Variants in INSR observed in about 807,000 individuals in gnomAD.
The protein encoded by INSR is insulin receptor.
A neutral mutation model predicts 142.6 loss-of-function variants in INSR; 67 were observed. The ratio of observed to expected loss-of-function variants is 0.47; its 90% CI spans 0.39 to 0.58. INSR has a LOEUF of 0.58. INSR is among the 20% of genes least tolerant of loss of function. The pLI is 0.00. For missense variants in INSR, 1,248 were observed against 1,833.2 expected (o/e 0.68, Z 5.83); for synonymous variants, 756 against 743.1 (o/e 1.02, Z -0.28).
At chr19:7,163,948 A>AATATATATATATATAT (rs1555742962) in intron 8 of INSR, among the ~76,000 whole-genome samples, 9 of 136,134 alleles carry the variant, frequency 6.6e-5, no homozygotes, top group African/African-American at 2.8e-4. Flanking sequence ...AAAAAAAAAA[A>AATATATATATATATAT]ATTAGCTGGA....
At chr19:7,148,895 C>T (rs974317173) in intron 11 of INSR, among the ~76,000 whole-genome samples, 3 of 146,412 alleles carry the variant, frequency 2.0e-5, no homozygotes, top group South Asian at 2.2e-4. Context: ...CCCAGGTTCA[C>T]GCCATTCTCC....
At chr19:7,117,956 G>C (rs1391466173) in intron 21 of INSR, among the ~76,000 whole-genome samples, 1 of 151,364 alleles carries the variant, frequency 6.6e-6, no homozygotes, top group Non-Finnish European at 1.5e-5. Flanking sequence ...ACCCAGGATG[G>C]AGTGCAGTGG....
chr19:7,130,443 A>C (rs1490623909), intron 14 of INSR, among the ~76,000 whole-genome samples: 1 of 152,218 alleles, frequency 6.6e-6, no homozygotes, highest in Middle Eastern at 3.2e-3. Flanking sequence ...TCTTGTTGAA[A>C]TGTAATCCCC....
intron 8 of INSR, among the ~76,000 whole-genome samples, chr19:7,164,544 G>A (rs1016484835): frequency 3.3e-5 from 5 of 150,018 alleles, no homozygotes; most frequent in Non-Finnish European, 4.4e-5. Context: ...ATGGCTGGGC[G>A]CGGTGGCTCA....
chr19:7,257,617 AT>A (rs897922862), intron 2 of INSR, among the ~76,000 whole-genome samples: 17 of 150,290 alleles, frequency 1.1e-4, no homozygotes, highest in Non-Finnish European at 2.2e-4. Context: ...TCTACCCCAC[AT>A]TTTTTTTTCT....
intron 9 of INSR, among the ~76,000 whole-genome samples, chr19:7,158,072 T>C (rs570078316): frequency 2.3e-4 from 34 of 148,544 alleles, no homozygotes; most frequent in Middle Eastern, 3.5e-3. Flanking sequence ...ATTATTATTA[T>C]TATTATTATT....
rs546388655 is a variant in INSR, at chr19:7,114,403, T to C, written c.*2653A>G. On this transcript the variant is annotated 3_prime_UTR_variant, in exon 22 of 22. Coordinates refer to ENST00000302850, the MANE Select transcript of INSR (RefSeq NM_000208.4). ...GAACTTAGTTTATGTTTGGGGAACA[T>C]AGTGACAATAGATGGAGGATTTTTT... The C allele has an allele frequency of 3.9e-5, 6 of 152,194 alleles. No homozygotes were observed. The highest frequency in any genetic ancestry group is 1.9e-4 in the East Asian group (1 of 5,198). 9.4% of individuals were successfully genotyped at this position (152,194 alleles called of 1,614,324 possible).
At chr19:7,265,024 C>T (rs1967678460) in intron 2 of INSR, among the ~76,000 whole-genome samples, 1 of 152,166 alleles carries the variant, frequency 6.6e-6, no homozygotes, top group South Asian at 2.1e-4. Context: ...TAAGAAGATC[C>T]TCCTTTCTCC....
At chr19:7,286,603 G>A (rs951494309) in intron 1 of INSR, among the ~76,000 whole-genome samples, 2 of 151,882 alleles carry the variant, frequency 1.3e-5, no homozygotes, top group Non-Finnish European at 2.9e-5. Context: ...GCCCAGGCTG[G>A]TCTCAAACTG....
rs1336241108 is a variant in INSR at position 7,153,077 on chromosome 19, A to G, written c.2030-150T>C. ...CCCACACACACACACCACACACATC[A>G]CACAACACACCACACATACACACAC... On this transcript the variant is annotated intron_variant, in intron 9 of 21. Transcript: ENST00000302850. 2.0e-5 allele frequency: 9 copies of G among 442,026 alleles called. No individual in the cohort carries two copies. In the African/African-American group the frequency reaches 2.4e-4, roughly 12 times the overall value. 27.4% of individuals were successfully genotyped at this position (442,026 alleles called of 1,614,324 possible).
chr19:7,129,341 T>C (rs1425298945), intron 14 of INSR, among the ~76,000 whole-genome samples: 1 of 152,238 alleles, frequency 6.6e-6, no homozygotes, highest in Non-Finnish European at 1.5e-5. Context: ...TTACTTATTT[T>C]TGTGACAGAG....
intron 9 of INSR, among the ~76,000 whole-genome samples, chr19:7,162,763 TG>T (rs1173936159): frequency 1.3e-5 from 2 of 151,966 alleles, no homozygotes; most frequent in Admixed American, 6.6e-5. Flanking sequence ...GAGGTTGCGA[TG>T]AGCCAAGGTC....
intron 9 of INSR, among the ~76,000 whole-genome samples, chr19:7,158,045 GTATTATTATTATTATTATTAT>G (rs72379188): frequency 5.7e-5 from 8 of 141,278 alleles, no homozygotes; most frequent in South Asian, 2.3e-4. Flanking sequence ...GAAGCTCCTG[GTATTATTATTATTATTATTAT>G]TATTATTATT....
chr19:7,151,022 TCTTTC>T (rs780901295), intron 10 of INSR, among the ~76,000 whole-genome samples: 1 of 150,226 alleles, frequency 6.7e-6, no homozygotes, highest in Non-Finnish European at 1.5e-5. Flanking sequence ...GCTTTCTTTC[TCTTTC>T]CTTCCTTCTT....
rs1287061647 is a variant in INSR, at chr19:7,266,361, CTT to C, written c.652+982_652+983del. 4.6e-5 allele frequency among the ~76,000 whole-genome samples: 7 copies of C among 150,636 alleles called. No homozygotes were observed. In the East Asian group the frequency reaches 1.2e-3, roughly 25 times the overall value. On this transcript the variant is annotated intron_variant, in intron 2 of 21. Transcript: ENST00000302850. ...TTGACTCTAAAATGTTCATCACTCT[CTT>C]TGTGAAAACTAGAAATTATCTTTTT...
intron 12 of INSR, 80 bp from the exon 13 acceptor site, chr19:7,141,896 T>A: frequency 2.5e-6 from 3 of 1,180,184 alleles, no homozygotes; most frequent in Non-Finnish European, 3.8e-6. Flanking sequence ...TGGTGCAACC[T>A]TGGGCTGGTG....
At chr19:7,288,895 G>A (rs541487075) in intron 1 of INSR, among the ~76,000 whole-genome samples, 89 of 150,182 alleles carry the variant, frequency 5.9e-4, no homozygotes, top group African/African-American at 2.1e-3. Context: ...CCCAGGAGAC[G>A]GAGGTTGTAG....
intron 2 of INSR, among the ~76,000 whole-genome samples, chr19:7,233,288 C>G (rs1405929428): frequency 6.6e-6 from 1 of 152,158 alleles, no homozygotes; most frequent in Non-Finnish European, 1.5e-5. Flanking sequence ...GCCACCATGC[C>G]CAGCCTGTGA....
chr19:7,140,772 C>T (rs1209372230), intron 13 of INSR, among the ~76,000 whole-genome samples: 1 of 146,038 alleles, frequency 6.8e-6, no homozygotes, highest in Non-Finnish European at 1.5e-5. Context: ...AATTAACGGC[C>T]CTTTTTTTTT....
Sources: gnomAD v4.1 joint callset for allele counts (sites outside exome capture counted in the v4.1 genomes callset) on GRCh38, gnomAD v4.1.1 for gene constraint, MANE v1.5 for transcripts, NCBI Gene and HGNC (gene_info 2026-07-23, HGNC 2026-07-21) for gene names.